Variants in ARHGEF33 observed in about 807,000 individuals in gnomAD.
ARHGEF33 encodes the protein DH and coiled-coil domain-containing protein ENSP00000381780.
Under a neutral mutation model 101.9 loss-of-function variants are expected in ARHGEF33, and 72 were observed. The ratio of observed to expected loss-of-function variants is 0.71; its 90% CI spans 0.58 to 0.86. The LOEUF (loss-of-function observed/expected upper bound fraction) is 0.86. Ranked by LOEUF, ARHGEF33 falls within the 40% of genes least tolerant of loss-of-function variation. ARHGEF33 has a pLI of 0.00. For missense variants in ARHGEF33, 1,169 were observed against 1,111.3 expected, an observed-to-expected ratio of 1.05 and a Z score of -0.74; for synonymous variants, 499 against 442.5, an observed-to-expected ratio of 1.13 and a Z score of -1.60.
intron 11 of ARHGEF33, among the ~76,000 whole-genome samples, chr2:38,952,771 T>A (rs1667643665): frequency 6.6e-6 from 1 of 151,976 alleles, no homozygotes; most frequent in Admixed American, 6.6e-5. Context: ...CAATCTCGGC[T>A]CACTGCAAGC....
At chr2:38,957,301 C>T (rs1322346663) in intron 14 of ARHGEF33, among the ~76,000 whole-genome samples, 1 of 152,166 alleles carries the variant, frequency 6.6e-6, no homozygotes, top group Admixed American at 6.5e-5. Context: ...TGTTGCTAAC[C>T]ACCTCAAAAA....
chr2:38,920,948 T>G (rs1666743488), intron 3 of ARHGEF33, among the ~76,000 whole-genome samples: 1 of 152,120 alleles, frequency 6.6e-6, no homozygotes, highest in African/African-American at 2.4e-5. Flanking sequence ...AAGTAGAGGA[T>G]ATTTTATGCA....
chr2:38,925,761 A>G (rs2124995492), intron 4 of ARHGEF33, among the ~76,000 whole-genome samples: 1 of 152,264 alleles, frequency 6.6e-6, no homozygotes, highest in Middle Eastern at 3.4e-3. Context: ...GCTTTTATAG[A>G]ATCATAGGAA....
intron 7 of ARHGEF33, 67 bp from the exon 8 acceptor site, chr2:38,935,708 C>T (rs1434386561): frequency 1.5e-6 from 2 of 1,327,122 alleles, no homozygotes; most frequent in African/African-American, 2.9e-5. Context: ...CAGTGCCAGG[C>T]TCGTGGAAGG....
chr2:38,960,024 G>A lies in ARHGEF33; in HGVS notation c.1719G>A (p.Gln573=), dbSNP rs1487693820. Residue 573 remains glutamine (Q), a synonymous_variant, in exon 16 of 18, where the codon CAG becomes CAA. Coordinates refer to ENST00000409978, the MANE Select transcript of ARHGEF33 (RefSeq NM_001145451.5). ...TGAAGGCGCTGGCCGGGCCCCTGCA[G>A]GCCATCCCGGAGATGGACTTCGAGT... is the stretch of plus-strand genomic sequence containing the variant. ...QDVKALAGPL[Q]AIPEMDFESS... 9 of 1,546,788 alleles carry A rather than the reference G, an allele frequency of 5.8e-6. No individual in the cohort carries two copies. The highest frequency in any genetic ancestry group is 7.9e-6 in the Non-Finnish European group (9 of 1,144,434).
intron 13 of ARHGEF33, among the ~76,000 whole-genome samples, chr2:38,955,335 T>C (rs1401624584): frequency 6.6e-6 from 1 of 152,156 alleles, no homozygotes; most frequent in Non-Finnish European, 1.5e-5. Flanking sequence ...CACCAGACCC[T>C]CTTCTTCCCA....
rs900156110 is a variant in ARHGEF33 at position 38,960,060 on chromosome 2, G to A, written c.1755G>A (p.Ala585=). The change falls in exon 16 of 18, where the codon GCG becomes GCA. Residue 585 remains alanine (A), a synonymous_variant. Transcript: ENST00000409978. The part of the protein sequence containing the change: ...IPEMDFESSP[A]EPLGNVERSL... ...AGATGGACTTCGAGTCCTCTCCGGC[G>A]GAGCCGCTGGGCAACGTGGAGCGCT... is the stretch of plus-strand genomic sequence containing the variant. 51 of 1,542,234 alleles carry A rather than the reference G, an allele frequency of 3.3e-5. No homozygotes were observed. The Admixed American group carries it at 8.3e-4, about 25-fold the overall frequency.
At chr2:38,938,349 C>T (rs1279471461) in intron 9 of ARHGEF33, among the ~76,000 whole-genome samples, 2 of 152,080 alleles carry the variant, frequency 1.3e-5, no homozygotes, top group Non-Finnish European at 2.9e-5. Context: ...GCCTGGGCAA[C>T]ATAGTGAGAC....
intron 16 of ARHGEF33, among the ~76,000 whole-genome samples, chr2:38,961,612 A>C (rs371780593): frequency 6.6e-6 from 1 of 152,098 alleles, no homozygotes; most frequent in African/African-American, 2.4e-5. Context: ...CTCATTCATT[A>C]ATTTTTCAGC....
In ARHGEF33 at chr2:38,960,540, G is replaced by A. The variant is rs1432298660; in HGVS notation, c.2235G>A (p.Gln745=). 2.4e-6 allele frequency: 3 copies of A among 1,259,260 alleles called. No individual in the cohort carries two copies. The highest frequency in any genetic ancestry group is 1.6e-5 in the African/African-American group (1 of 62,940). 78.0% of individuals were successfully genotyped at this position (1,259,260 alleles called of 1,614,324 possible). Residue 745 remains glutamine (Q), a synonymous_variant, in exon 16 of 18, where the codon CAG becomes CAA. Transcript: ENST00000409978. ...CCATCAAGGCCGAGCGCGCCGCGCA[G>A]GCGCACGGCCCGGCCGCCGCCGCCG... ...RAPIKAERAA[Q]AHGPAAAAVA...
At chr2:38,964,952 G>A (rs76179830) in intron 16 of ARHGEF33, among the ~76,000 whole-genome samples, 1,610 of 152,116 alleles carry the variant, frequency 0.011, 23 homozygotes, top group Non-Finnish European at 0.016. Flanking sequence ...AACACTGCAT[G>A]TCTAGCTCCA....
intron 2 of ARHGEF33, among the ~76,000 whole-genome samples, chr2:38,907,595 T>A (rs570793794): frequency 6.6e-6 from 1 of 152,290 alleles, no homozygotes; most frequent in South Asian, 2.1e-4. Context: ...GAAGGAACAT[T>A]TCCTGAGGAC....
chr2:38,890,211 G>A (rs183783576), intron 1 of ARHGEF33, among the ~76,000 whole-genome samples: 3 of 152,086 alleles, frequency 2.0e-5, no homozygotes, highest in African/African-American at 4.8e-5. Context: ...TCTTAACTGC[G>A]CTTTGCAGGT....
chr2:38,963,755 C>A (rs1667995119), intron 16 of ARHGEF33, among the ~76,000 whole-genome samples: 1 of 152,076 alleles, frequency 6.6e-6, no homozygotes, highest in Non-Finnish European at 1.5e-5. Context: ...GCACCCCAGA[C>A]CTACTGAATC....
chr2:38,965,605 G>A (rs1416795941), intron 16 of ARHGEF33, among the ~76,000 whole-genome samples: 2 of 152,206 alleles, frequency 1.3e-5, no homozygotes, highest in African/African-American at 2.4e-5. Context: ...AGAAACACCT[G>A]GAGATAAGAG....
chr2:38,941,762 G>T (rs1277800247), intron 9 of ARHGEF33, among the ~76,000 whole-genome samples: 2 of 151,972 alleles, frequency 1.3e-5, no homozygotes, highest in Non-Finnish European at 2.9e-5. Flanking sequence ...GGCCAGGCTG[G>T]TCTCCAATTC....
Position 38,929,568 on chromosome 2 carries a change from G to A in ARHGEF33, c.241-141G>A, listed in dbSNP as rs1024233885. 1.5e-5 allele frequency: 9 copies of A among 609,090 alleles called. No individual in the cohort carries two copies. In the Admixed American group the frequency reaches 2.5e-4, roughly 17 times the overall value. The allele number at this position is 609,090 out of a possible 1,614,324, so 37.7% of individuals were successfully genotyped here. A position where few individuals can be genotyped will look rare whatever the true frequency, so the allele number is the denominator to read the frequency against. The stretch of plus-strand genomic sequence containing the variant: ...GCTCTGTGTTAAAATTTGAGGCCAC[G>A]ATGGAAGTAAATTTTTTAATCTCTC... On this transcript the variant is annotated intron_variant, in intron 5 of 17. Coordinates refer to ENST00000409978, the MANE Select transcript of ARHGEF33 (RefSeq NM_001145451.5).
chr2:38,957,078 C>G (rs1314408298), intron 14 of ARHGEF33, 31 bp downstream of exon 14: 2 of 1,550,404 alleles, frequency 1.3e-6, no homozygotes, highest in South Asian at 1.2e-5. Context: ...TCTAGAGGGT[C>G]GAAGACCAGT....
Position 38,966,132 on chromosome 2 carries a change from C to T in ARHGEF33, c.2470C>T (p.Leu824Phe), listed in dbSNP as rs1668047924. 1.3e-6 allele frequency: 2 copies of T among 1,551,566 alleles called. No homozygotes were observed. The highest frequency in any genetic ancestry group is 1.7e-6 in the Non-Finnish European group (2 of 1,146,964). ...GGGCTTTCGCAGCTCCTTCCGCAAG[C>T]TCTTTAAAAAGAAGTGAGTAGCCCT... ...KGGFRSSFRK[L>F]FKKKSSGSEY... is the part of the protein sequence containing the mutation. Residue 824 changes from leucine (L) to phenylalanine (F), a missense_variant, in exon 17 of 18, where the codon CTC becomes TTC. Leu to Phe is a conservative substitution (Grantham distance 22). Transcript: ENST00000409978.
Sources: gnomAD v4.1 joint callset for allele counts (sites outside exome capture counted in the v4.1 genomes callset) on GRCh38, gnomAD v4.1.1 for gene constraint, MANE v1.5 for transcripts, NCBI Gene and HGNC (gene_info 2026-07-23, HGNC 2026-07-21) for gene names.